ATP10A: variants seen among roughly 807,000 people sequenced by gnomAD.
The protein encoded by ATP10A is ATPase phospholipid transporting 10A (putative).
ATP10A carries 111 observed loss-of-function variants against 147.8 expected under a neutral mutation model. That is an observed-to-expected ratio of 0.75 (90% CI 0.64 to 0.88). ATP10A has a LOEUF of 0.88. Among genes scored for constraint, ATP10A ranks in the 40% least tolerant of loss-of-function variants. The probability of loss-of-function intolerance (pLI) is 0.00; values close to 1 mark genes in which losing one functional copy is unlikely to be tolerated. For synonymous variants in ATP10A, 875 were observed against 841.6 expected, an observed-to-expected ratio of 1.04 and a Z score of -0.69; for missense variants, 1,927 against 1,959.0, an observed-to-expected ratio of 0.98 and a Z score of 0.31.
intron 1 of ATP10A, among the ~76,000 whole-genome samples, chr15:25,845,121 G>A (rs930699403): frequency 3.9e-5 from 6 of 152,220 alleles, no homozygotes; most frequent in African/African-American, 1.4e-4. Flanking sequence ...CTCTCACAGA[G>A]CCCCTCTGGC....
chr15:25,695,719 C>T (rs1263435203), intron 13 of ATP10A, among the ~76,000 whole-genome samples: 2 of 152,164 alleles, frequency 1.3e-5, no homozygotes, highest in Non-Finnish European at 2.9e-5. Context: ...ACCATCTTCA[C>T]TTTGGGAGGC....
intron 2 of ATP10A, among the ~76,000 whole-genome samples, chr15:25,756,370 G>A (rs1431102792): frequency 1.3e-5 from 2 of 152,128 alleles, no homozygotes; most frequent in African/African-American, 4.8e-5. Flanking sequence ...CTGGCCAGGC[G>A]CGGTGGCTCA....
At chr15:25,846,564 T>C (rs1347392648) in intron 1 of ATP10A, among the ~76,000 whole-genome samples, 1 of 152,118 alleles carries the variant, frequency 6.6e-6, no homozygotes, top group Non-Finnish European at 1.5e-5. Context: ...GGGTAGACCA[T>C]GGTGGTGGTC....
chr15:25,811,788 T>C (rs534468120), intron 1 of ATP10A, among the ~76,000 whole-genome samples: 1 of 152,206 alleles, frequency 6.6e-6, no homozygotes, highest in Non-Finnish European at 1.5e-5. Context: ...CCTGACCTCG[T>C]AGCACTTCCT....
chr15:25,769,015 G>T (rs954125085), intron 2 of ATP10A, among the ~76,000 whole-genome samples: 3 of 152,042 alleles, frequency 2.0e-5, no homozygotes, highest in African/African-American at 7.2e-5. Flanking sequence ...TATTTCTAAG[G>T]GAAATGTTTA....
chr15:25,695,781 G>A (rs538511490), intron 13 of ATP10A, among the ~76,000 whole-genome samples: 2 of 152,240 alleles, frequency 1.3e-5, no homozygotes, highest in Admixed American at 1.3e-4. Context: ...GGCCCTCCAT[G>A]TACTTCTTGA....
rs953349223 is a variant in ATP10A, at chr15:25,863,274, C to T, written c.-178G>A. 3 of 222,912 alleles carry T rather than the reference C, an allele frequency of 1.3e-5. No homozygotes were observed. Among genetic ancestry groups the T allele is most frequent in the Non-Finnish European group, 2.3e-5 (3 of 128,668 alleles). The allele number at this position is 222,912 out of a possible 1,614,324, so 13.8% of individuals were successfully genotyped here. A position where few individuals can be genotyped will look rare whatever the true frequency, so the allele number is the denominator to read the frequency against. ...CAGCGCGCCCAGCCCGCGCCCAGCC[C>T]CGTCCACTCCCGTCCAGCCCCGCCG... On this transcript the variant is annotated 5_prime_UTR_variant, in exon 1 of 21. Transcript: ENST00000555815.
At chr15:25,777,605 A>C (rs1320656784) in intron 2 of ATP10A, among the ~76,000 whole-genome samples, 1 of 151,428 alleles carries the variant, frequency 6.6e-6, no homozygotes, top group Non-Finnish European at 1.5e-5. Context: ...CTATTCCCAT[A>C]TATATATATT....
At chr15:25,714,671 G>T (rs1047759654) in intron 9 of ATP10A, among the ~76,000 whole-genome samples, 1 of 151,926 alleles carries the variant, frequency 6.6e-6, no homozygotes, top group African/African-American at 2.4e-5. Context: ...GCTTCTTTTG[G>T]GGCTGTCCCT....
chr15:25,745,298 A>G (rs1451582712), intron 2 of ATP10A, among the ~76,000 whole-genome samples: 2 of 152,146 alleles, frequency 1.3e-5, no homozygotes, highest in African/African-American at 4.8e-5. Flanking sequence ...GGCTGCAGTA[A>G]GCAGAAATTG....
chr15:25,740,469 G>GGGGCCAGCACCTGCCAGCCAGGCA (rs1887528406), intron 2 of ATP10A, among the ~76,000 whole-genome samples: 1 of 152,200 alleles, frequency 6.6e-6, no homozygotes, highest in Non-Finnish European at 1.5e-5. Context: ...ACAGAGAGCA[G>GGGGCCAGCACCTGCCAGCCAGGCA]GGGCCAGCAC....
chr15:25,708,168 T>C (rs1269028287), intron 11 of ATP10A, 29 bp downstream of exon 11: 2 of 1,613,826 alleles, frequency 1.2e-6, no homozygotes, highest in Non-Finnish European at 1.7e-6. Flanking sequence ...CACCTGCACG[T>C]GCACCCTCGC....
chr15:25,842,335 C>T (rs144064646), intron 1 of ATP10A, among the ~76,000 whole-genome samples: 71 of 152,292 alleles, frequency 4.7e-4, no homozygotes, highest in Non-Finnish European at 8.8e-4. Context: ...AAACAGAAGT[C>T]CAGGGTCTCA....
At chr15:25,733,520 C>T (rs1171430174) in intron 3 of ATP10A, among the ~76,000 whole-genome samples, 1 of 152,220 alleles carries the variant, frequency 6.6e-6, no homozygotes, top group Admixed American at 6.5e-5. Flanking sequence ...TCGTGCCCCA[C>T]AGTCACGGGG....
chr15:25,824,335 G>A (rs568323506), intron 1 of ATP10A, among the ~76,000 whole-genome samples: 3 of 151,788 alleles, frequency 2.0e-5, no homozygotes, highest in Non-Finnish European at 4.4e-5. Context: ...AATGCTGGGT[G>A]TGATGGTGTA....
intron 4 of ATP10A, among the ~76,000 whole-genome samples, chr15:25,726,335 C>T (rs2140443814): frequency 6.6e-6 from 1 of 152,214 alleles, no homozygotes; most frequent in South Asian, 2.1e-4. Flanking sequence ...CACTACCGTG[C>T]CAAGAAAGAA....
chr15:25,808,193 T>C (rs1270178221), intron 1 of ATP10A, among the ~76,000 whole-genome samples: 1 of 152,208 alleles, frequency 6.6e-6, no homozygotes, highest in African/African-American at 2.4e-5. Context: ...AGGCTTGTTC[T>C]CATTGTTGCA....
chr15:25,846,196 G>A (rs534616927), intron 1 of ATP10A, among the ~76,000 whole-genome samples: 16 of 152,278 alleles, frequency 1.1e-4, no homozygotes, highest in South Asian at 8.3e-4. Context: ...CAAAGTTTCC[G>A]TTTGGGAGGA....
At chr15:25,781,771 T>G (rs1889938685) in intron 1 of ATP10A, among the ~76,000 whole-genome samples, 1 of 151,988 alleles carries the variant, frequency 6.6e-6, no homozygotes, top group East Asian at 1.9e-4. Context: ...AACAAGCAAA[T>G]GCATAGAGAC....
Sources: allele counts gnomAD v4.1 joint callset (sites outside exome capture counted in the v4.1 genomes callset), GRCh38; gene constraint gnomAD v4.1.1; transcripts MANE v1.5; gene names NCBI Gene and HGNC (gene_info 2026-07-23, HGNC 2026-07-21).